Variants in NECTIN2 observed in about 807,000 individuals in gnomAD.
NECTIN2 encodes nectin-2.
A neutral mutation model predicts 56.9 loss-of-function variants in NECTIN2; 23 were observed. The observed-to-expected ratio is 0.40, with a 90% CI of 0.29 to 0.57. NECTIN2 has a LOEUF of 0.57. Among genes scored for constraint, NECTIN2 ranks in the 20% least tolerant of loss-of-function variants. The probability of loss-of-function intolerance (pLI) is 0.38; values close to 1 mark genes in which losing one functional copy is unlikely to be tolerated. For synonymous variants in NECTIN2, 302 were observed against 313.8 expected (o/e 0.96, Z 0.40); for missense variants, 587 against 718.3 (o/e 0.82, Z 2.09).
intron 3 of NECTIN2, among the ~76,000 whole-genome samples, chr19:44,873,594 C>T (rs1470968975): frequency 6.6e-6 from 1 of 152,080 alleles, no homozygotes; most frequent in Non-Finnish European, 1.5e-5. Flanking sequence ...GATCACCCCA[C>T]TGCTCTCCAT....
intron 5 of NECTIN2, among the ~76,000 whole-genome samples, chr19:44,879,460 G>A (rs406456): frequency 0.64 from 96,818 of 151,854 alleles, 31,398 homozygotes; most frequent in East Asian, 0.89. Context: ...TAGGGGCCCT[G>A]AGGGCATGGG....
intron 2 of NECTIN2, among the ~76,000 whole-genome samples, chr19:44,866,202 G>A (rs918845746): frequency 5.3e-5 from 8 of 151,842 alleles, no homozygotes; most frequent in Non-Finnish European, 8.8e-5. Context: ...GAGGTTGGGT[G>A]TGGTGGCTCA....
chr19:44,873,742 T>G (rs1444643158), intron 3 of NECTIN2, among the ~76,000 whole-genome samples, 174 bp from the exon 4 acceptor site: 3 of 152,126 alleles, frequency 2.0e-5, no homozygotes, highest in African/African-American at 7.2e-5. Flanking sequence ...CCCTGAACAG[T>G]GTCTACACTG....
intron 1 of NECTIN2, among the ~76,000 whole-genome samples, chr19:44,859,635 C>T (rs1969009060): frequency 6.6e-6 from 1 of 152,138 alleles, no homozygotes. Flanking sequence ...ACCAGCCTGA[C>T]CAACATGGTG....
rs1969180285 is a variant in NECTIN2 at position 44,872,003 on chromosome 19, C to T, written c.629C>T (p.Ser210Leu). The change falls in exon 3 of 9, where the codon TCA (serine) becomes TTA (leucine). Residue 210 changes from serine to leucine, a missense_variant. Transcript: ENST00000252483. ...LDWEAKETQV[S>L]GTLAGTVTVT... Reference sequence around the variant, plus strand: ...TGGGAAGCCAAAGAGACTCAGGTGTCAGGGACCCTGGCCGGAACTGTCACT... The same window carrying T: ...TGGGAAGCCAAAGAGACTCAGGTGTTAGGGACCCTGGCCGGAACTGTCACT... The T allele has an allele frequency of 6.2e-7, 1 of 1,614,180 alleles. No homozygotes were observed. The highest frequency in any genetic ancestry group is 1.7e-5 in the Admixed American group (1 of 60,022).
At chr19:44,870,144 G>A (rs1969155807) in intron 2 of NECTIN2, among the ~76,000 whole-genome samples, 1 of 152,110 alleles carries the variant, frequency 6.6e-6, no homozygotes, top group African/African-American at 2.4e-5. Flanking sequence ...GGAGAAGGAG[G>A]CCAAAGCAAT....
intron 5 of NECTIN2, among the ~76,000 whole-genome samples, chr19:44,877,418 T>C (rs1969251996): frequency 6.6e-6 from 1 of 152,178 alleles, no homozygotes; most frequent in African/African-American, 2.4e-5. Context: ...CCTCTCTCTC[T>C]CCGCCTCCCC....
rs887862130 is a variant in NECTIN2, at chr19:44,885,937, C to G, written c.1197C>G (p.Asp399Glu). 1.3e-6 allele frequency: 2 copies of G among 1,577,328 alleles called. No individual in the cohort carries two copies. Among genetic ancestry groups the G allele is most frequent in the Non-Finnish European group, 1.7e-6 (2 of 1,146,876 alleles). ...ACTTGTCCTACCTCCTACCCCACAGCCTGGAGGGACCTCCCTCCTACAAGC... is the reference window on the plus strand; with the variant it reads ...ACTTGTCCTACCTCCTACCCCACAGGCTGGAGGGACCTCCCTCCTACAAGC... ...QTLQGAEEDE[D>E]LEGPPSYKPP... is the part of the protein sequence containing the mutation. Residue 399 changes from aspartate to glutamate, a missense_variant and splice_region_variant, in exon 7 of 9, where the codon GAC becomes GAG. Physicochemically the swap from Asp to Glu is conservative, Grantham distance 45. Transcript: ENST00000252483.
chr19:44,847,831 T>C (rs558460660), intron 1 of NECTIN2, among the ~76,000 whole-genome samples: 1 of 152,136 alleles, frequency 6.6e-6, no homozygotes, highest in African/African-American at 2.4e-5. Flanking sequence ...GGTGGACGAG[T>C]GGAGCCGCCG....
In NECTIN2 at chr19:44,870,729, C is replaced by CT. The variant is rs869253464; in HGVS notation, c.479-1110dup. Among the ~76,000 whole-genome samples the CT allele has an allele frequency of 5.1e-3, 717 of 141,708 alleles. 2 individuals are homozygous for CT. Among genetic ancestry groups the CT allele is most frequent in the African/African-American group, 7.6e-3 (291 of 38,506 alleles). 93.0% of individuals were successfully genotyped at this position (141,708 alleles called of 152,430 possible). ...GGCCTTGATTTGCTTTTTTTTTTTC[C>CT]TTTTTTTTTTTTTTCTTTTGGAGAC... is the stretch of plus-strand genomic sequence containing the variant. On this transcript the variant is annotated intron_variant, in intron 2 of 8. Transcript: ENST00000252483.
intron 6 of NECTIN2, among the ~76,000 whole-genome samples, chr19:44,882,844 C>T (rs1969323573): frequency 1.4e-5 from 2 of 147,662 alleles, no homozygotes; most frequent in Admixed American, 6.8e-5. Flanking sequence ...TACAGTGATG[C>T]AATCTCGGCT....
intron 5 of NECTIN2, among the ~76,000 whole-genome samples, chr19:44,880,116 T>C (rs536779659): frequency 2.6e-5 from 4 of 152,308 alleles, no homozygotes; most frequent in African/African-American, 7.2e-5. Flanking sequence ...GGCCGATGCA[T>C]GCGTGACCCC....
intron 5 of NECTIN2, among the ~76,000 whole-genome samples, chr19:44,877,374 T>G (rs1234570427): frequency 6.6e-6 from 1 of 152,136 alleles, no homozygotes; most frequent in Admixed American, 6.5e-5. Flanking sequence ...CATCCCTCCC[T>G]GCTCACACTG....
chr19:44,850,516 G>C (rs1375360263), intron 1 of NECTIN2, among the ~76,000 whole-genome samples: 1 of 152,016 alleles, frequency 6.6e-6, no homozygotes, highest in South Asian at 2.1e-4. Context: ...GTGGTGGTGT[G>C]TGCCTATAGT....
At chr19:44,850,782 G>T (rs968985368) in intron 1 of NECTIN2, among the ~76,000 whole-genome samples, 5 of 152,156 alleles carry the variant, frequency 3.3e-5, no homozygotes, top group African/African-American at 9.7e-5. Flanking sequence ...TTTCCGCTGT[G>T]GGGGTTGGGC....
rs1368107311 is a variant in NECTIN2, at chr19:44,874,044, T to C, written c.893+11T>C. 1 of 1,601,292 alleles carries C rather than the reference T, an allele frequency of 6.2e-7. No homozygotes were observed. The highest frequency in any genetic ancestry group is 8.5e-7 in the Non-Finnish European group (1 of 1,169,714). On this transcript the variant is annotated intron_variant, in intron 4 of 8. Coordinates refer to ENST00000252483, the MANE Select transcript of NECTIN2 (RefSeq NM_001042724.2). This position sits in a 1 kb window ranked among gnomAD's most constrained non-coding sequence, Gnocchi z 6.3. ...CTATGACTGGAGCACGTGAGTCACG[T>C]GGTCTCAGAACCCTGGGTCTGAGGG...
intron 1 of NECTIN2, among the ~76,000 whole-genome samples, chr19:44,849,714 G>A (rs985011005): frequency 6.6e-6 from 1 of 152,142 alleles, no homozygotes; most frequent in Non-Finnish European, 1.5e-5. Flanking sequence ...AGGCTTGTGA[G>A]AAGAGAACCC....
chr19:44,846,595 C>T lies in NECTIN2; in HGVS notation c.70C>T (p.Leu24=). The T allele has an allele frequency of 6.6e-7, 1 of 1,525,878 alleles. No homozygotes were observed. The highest frequency in any genetic ancestry group is 8.7e-7 in the Non-Finnish European group (1 of 1,143,066). The allele number at this position is 1,525,878 out of a possible 1,614,324, so 94.5% of individuals were successfully genotyped here. ...GCCGCTGCTGTGGCCGCTGCTGCTG[C>T]TGCTGCTCCTGGAAACCGGTGAGAC... ...PTPLLWPLLL[L]LLLETGAQDV... The change falls in exon 1 of 9, where the codon CTG becomes TTG. Residue 24 remains leucine (L), a synonymous_variant. Coordinates refer to ENST00000252483, the MANE Select transcript of NECTIN2 (RefSeq NM_001042724.2).
chr19:44,883,665 AAAAC>A (rs1224694781), intron 6 of NECTIN2, among the ~76,000 whole-genome samples: 1 of 152,188 alleles, frequency 6.6e-6, no homozygotes, highest in African/African-American at 2.4e-5. Context: ...CTAAAAAAAT[AAAAC>A]AAACAAAATT....
Sources: allele counts gnomAD v4.1 joint callset (sites outside exome capture counted in the v4.1 genomes callset), GRCh38; gene constraint gnomAD v4.1.1; non-coding constraint Gnocchi (gnomAD v3.1); transcripts MANE v1.5; gene names NCBI Gene and HGNC (gene_info 2026-07-23, HGNC 2026-07-21).